The following RALYL variants were observed in gnomAD, a reference collection of about 807,000 sequenced individuals.
The protein encoded by RALYL is RALY RNA binding protein like, also known as RNA-binding Raly-like protein.
A neutral mutation model predicts 35.1 loss-of-function variants in RALYL; 29 were observed. That is an observed-to-expected ratio of 0.83 (90% confidence interval 0.61 to 1.13). RALYL has a LOEUF of 1.13. RALYL is among the 50% of genes most tolerant of loss of function. The pLI is 0.00. For synonymous variants in RALYL, 120 were observed against 127.6 expected (o/e 0.94, Z 0.40); for missense variants, 359 against 360.4 (o/e 1.00, Z 0.03).
rs1035124391 is a variant in RALYL, at chr8:84,560,650, A to G, written c.256+31073A>G. Among the ~76,000 whole-genome samples, 16 of 151,944 alleles carry G rather than the reference A, an allele frequency of 1.1e-4. No homozygotes were observed. In the East Asian group the frequency reaches 3.1e-3, roughly 29 times the overall value. On this transcript the variant is annotated intron_variant, in intron 2 of 8. Coordinates refer to ENST00000521268, the MANE Select transcript of RALYL (RefSeq NM_173848.7). Reference sequence around the variant, plus strand: ...GCATCCAAAAATATTTTGGTTTAGGATAATACAGATTAGGGTAAATTATTG... The same window carrying G: ...GCATCCAAAAATATTTTGGTTTAGGGTAATACAGATTAGGGTAAATTATTG...
chr8:84,854,076 G>A (rs1430773156), intron 5 of RALYL, among the ~76,000 whole-genome samples: 2 of 152,116 alleles, frequency 1.3e-5, no homozygotes, highest in African/African-American at 2.4e-5. Context: ...GGCCAGGCGC[G>A]GTGGCTCACG....
intron 1 of RALYL, among the ~76,000 whole-genome samples, chr8:84,470,519 G>C (rs930780562): frequency 2.0e-5 from 3 of 151,618 alleles, no homozygotes; most frequent in Non-Finnish European, 4.4e-5. Flanking sequence ...GAACAAGAAA[G>C]GTATAAAATT....
In RALYL at chr8:84,342,041, G is replaced by A. The variant is rs151288615; in HGVS notation, c.-24+157617G>A. On this transcript the variant is annotated intron_variant, in intron 1 of 8. Transcript: ENST00000521268. The stretch of plus-strand genomic sequence containing the variant: ...TATCATTTGCATTATGATAAAATAG[G>A]CAAGAAAAAATATTGTTAATAAGAC... 2.5e-4 allele frequency among the ~76,000 whole-genome samples: 38 copies of A among 151,310 alleles called. No homozygotes were observed. The East Asian group carries it at 7.1e-3, about 28-fold the overall frequency.
chr8:84,329,116 A>G (rs1846356051), intron 1 of RALYL, among the ~76,000 whole-genome samples: 1 of 152,116 alleles, frequency 6.6e-6, no homozygotes, highest in African/African-American at 2.4e-5. Flanking sequence ...TTGGGGATAT[A>G]TACTCAGTAA....
intron 3 of RALYL, among the ~76,000 whole-genome samples, chr8:84,801,184 G>A (rs1823163759): frequency 6.6e-6 from 1 of 152,168 alleles, no homozygotes; most frequent in East Asian, 1.9e-4. Flanking sequence ...ACAAAAGGTA[G>A]AGTGGCCTGA....
intron 3 of RALYL, among the ~76,000 whole-genome samples, chr8:84,787,436 G>T (rs148967629): frequency 1.3e-5 from 2 of 152,124 alleles, no homozygotes; most frequent in African/African-American, 4.8e-5. Flanking sequence ...GGGCATTTGG[G>T]TTGGTTCCAA....
chr8:84,508,856 A>G lies in RALYL; in HGVS notation c.-23-20443A>G, dbSNP rs1381995836. 2.2e-5 allele frequency among the ~76,000 whole-genome samples: 3 copies of G among 134,958 alleles called. 1 individual carries two copies. The South Asian group carries it at 7.7e-4, about 35-fold the overall frequency. 88.5% of individuals were successfully genotyped at this position (134,958 alleles called of 152,430 possible). A position where few individuals can be genotyped will look rare whatever the true frequency, so the allele number is the denominator to read the frequency against. ...CATTATAAAAATTATAATAAAAACA[A>G]TCTTTTCAAAAAGTCGTGTATATTT... On this transcript the variant is annotated intron_variant, in intron 1 of 8. Coordinates refer to ENST00000521268, the MANE Select transcript of RALYL (RefSeq NM_173848.7).
intron 2 of RALYL, among the ~76,000 whole-genome samples, chr8:84,675,424 T>C (rs1230820470): frequency 6.6e-6 from 1 of 152,154 alleles, no homozygotes; most frequent in Non-Finnish European, 1.5e-5. Flanking sequence ...AAATAGGAGA[T>C]AGGCGAACTG....
intron 1 of RALYL, among the ~76,000 whole-genome samples, chr8:84,195,628 C>A (rs1453722230): frequency 6.6e-6 from 1 of 152,148 alleles, no homozygotes; most frequent in Non-Finnish European, 1.5e-5. Flanking sequence ...AACTAGCATG[C>A]AATTTCTTTC....
intron 7 of RALYL, among the ~76,000 whole-genome samples, chr8:84,886,049 T>C (rs1010026785): frequency 1.3e-5 from 2 of 152,032 alleles, no homozygotes; most frequent in South Asian, 2.1e-4. Flanking sequence ...TATAATTCTG[T>C]GGGTAAGTAA....
intron 2 of RALYL, among the ~76,000 whole-genome samples, chr8:84,700,325 C>G (rs1030804638): frequency 6.6e-6 from 1 of 151,912 alleles, no homozygotes; most frequent in Non-Finnish European, 1.5e-5. Context: ...ATTTCAGAAT[C>G]ATAATAATTG....
rs181383312 is a variant in RALYL at position 84,761,004 on chromosome 8, A to G, written c.257-13575A>G. Among the ~76,000 whole-genome samples the G allele has an allele frequency of 4.6e-5, 7 of 152,218 alleles. No homozygotes were observed. The East Asian group carries it at 1.2e-3, about 25-fold the overall frequency. On this transcript the variant is annotated intron_variant, in intron 2 of 8. Transcript: ENST00000521268. Reference sequence around the variant, plus strand: ...CAGTTTTAATCATAGAAAATATGTTAAAAGCACTCTGTGAATGGAGGTAAA... The same window carrying G: ...CAGTTTTAATCATAGAAAATATGTTGAAAGCACTCTGTGAATGGAGGTAAA...
chr8:84,844,178 G>T (rs1834070967), intron 4 of RALYL, among the ~76,000 whole-genome samples: 1 of 152,092 alleles, frequency 6.6e-6, no homozygotes, highest in Non-Finnish European at 1.5e-5. Flanking sequence ...AGAGTGAACA[G>T]GCAACCTACA....
chr8:84,254,106 C>T (rs1830770135), intron 1 of RALYL, among the ~76,000 whole-genome samples: 1 of 152,158 alleles, frequency 6.6e-6, no homozygotes. Flanking sequence ...ACTTTATAAG[C>T]AACCATAAAA....
chr8:84,321,066 A>G (rs1364498453), intron 1 of RALYL, among the ~76,000 whole-genome samples: 1 of 152,114 alleles, frequency 6.6e-6, no homozygotes, highest in Non-Finnish European at 1.5e-5. Context: ...GGTAGTGAAA[A>G]GCTTTTTCTT....
intron 4 of RALYL, among the ~76,000 whole-genome samples, chr8:84,834,996 C>A (rs1365885720): frequency 2.6e-5 from 4 of 151,988 alleles, no homozygotes; most frequent in Non-Finnish European, 5.9e-5. Context: ...AAGAATGAGA[C>A]CTGAACATTA....
At chr8:84,570,907 A>G (rs913545346) in intron 2 of RALYL, among the ~76,000 whole-genome samples, 5 of 151,880 alleles carry the variant, frequency 3.3e-5, no homozygotes, top group African/African-American at 1.2e-4. Flanking sequence ...ATGTTGAACT[A>G]TCCTTGCATG....
chr8:84,623,223 G>T (rs1280246018), intron 2 of RALYL, among the ~76,000 whole-genome samples: 1 of 152,010 alleles, frequency 6.6e-6, no homozygotes, highest in Non-Finnish European at 1.5e-5. Context: ...ATGTTCAGTG[G>T]GCACAAGTTT....
chr8:84,283,489 A>G (rs62526793), intron 1 of RALYL, among the ~76,000 whole-genome samples: 1 of 152,136 alleles, frequency 6.6e-6, no homozygotes, highest in Non-Finnish European at 1.5e-5. Flanking sequence ...GTTTTAGGCT[A>G]TAATCCTGGA....
Sources: gnomAD v4.1 joint callset for allele counts (sites outside exome capture counted in the v4.1 genomes callset) on GRCh38, gnomAD v4.1.1 for gene constraint, MANE v1.5 for transcripts, NCBI Gene and HGNC (gene_info 2026-07-23, HGNC 2026-07-21) for gene names.